Variants in ADAM19 observed in about 807,000 individuals in gnomAD.
ADAM19 encodes disintegrin and metalloproteinase domain-containing protein 19.
In ADAM19, 65 loss-of-function variants were observed where a neutral mutation model predicts 114.7. The ratio of observed to expected loss-of-function variants is 0.57; its 90% CI spans 0.46 to 0.70. The LOEUF (loss-of-function observed/expected upper bound fraction) is 0.70. Ranked by LOEUF, ADAM19 falls within the 30% of genes least tolerant of loss-of-function variation. The probability of loss-of-function intolerance (pLI) is 0.00; values close to 1 mark genes in which losing one functional copy is unlikely to be tolerated. For synonymous variants in ADAM19, 466 were observed against 460.5 expected (o/e 1.01, Z -0.15); for missense variants, 1,063 against 1,204.7 (o/e 0.88, Z 1.74).
intron 5 of ADAM19, among the ~76,000 whole-genome samples, chr5:157,521,693 C>G (rs1242455306): frequency 6.6e-6 from 1 of 152,200 alleles, no homozygotes; most frequent in Non-Finnish European, 1.5e-5. Flanking sequence ...CTAAGGTACT[C>G]CCTGAACATC....
At chr5:157,569,169 GATGAA>G (rs755444028) in intron 2 of ADAM19, 3 of 150,906 alleles carry the variant, frequency 2.0e-5, no homozygotes, top group Non-Finnish European at 4.4e-5. Context: ...CCTACTTTTT[GATGAA>G]ATGAATTCCA....
intron 21 of ADAM19, 91 bp downstream of exon 21, chr5:157,488,174 C>T: frequency 7.4e-7 from 1 of 1,346,444 alleles, no homozygotes; most frequent in Non-Finnish European, 1.0e-6. Flanking sequence ...CATGACCCCA[C>T]AAGTTTCACC....
chr5:157,497,560 G>T (rs868713729), intron 13 of ADAM19, among the ~76,000 whole-genome samples: 1 of 113,604 alleles, frequency 8.8e-6, no homozygotes, highest in African/African-American at 4.0e-5. Context: ...AGAGGAGCCA[G>T]GCCCACTAAT....
At chr5:157,515,482 C>T (rs1756064865) in intron 7 of ADAM19, among the ~76,000 whole-genome samples, 1 of 152,234 alleles carries the variant, frequency 6.6e-6, no homozygotes, top group South Asian at 2.1e-4. Context: ...CCCATAGTCT[C>T]TGCTACAACT....
At position 157,481,846 on chromosome 5, in the gene ADAM19, C is replaced by G; in HGVS notation, c.2648G>C (p.Arg883Pro). ...CTGCTGAGGGCCAGCACCAGGGGGC[C>G]GCAGTGGGGATGCACCTCCTGGCCT... ...LPRPGGASPL[R>P]PPGAGPQQSR... The change falls in exon 22 of 23, where the codon CGG (arginine) becomes CCG (proline). Residue 883 changes from arginine (R) to proline (P), a missense_variant. This residue lies in a region of ADAM19 where 424 missense variants were observed against 445.5 expected (regional missense o/e 0.95). Transcript: ENST00000257527. 6.3e-7 allele frequency: 1 copy of G among 1,586,302 alleles called. No homozygotes were observed. Among genetic ancestry groups the G allele is most frequent in the South Asian group, 1.1e-5 (1 of 86,996 alleles).
At chr5:157,512,915 C>A in intron 8 of ADAM19, among the ~76,000 whole-genome samples, 1 of 152,186 alleles carries the variant, frequency 6.6e-6, no homozygotes, top group East Asian at 1.9e-4. Flanking sequence ...CCTCCTAAGT[C>A]AGAGAATCCC....
chr5:157,565,496 A>G (rs1011484392), intron 2 of ADAM19, among the ~76,000 whole-genome samples: 3 of 151,954 alleles, frequency 2.0e-5, no homozygotes, highest in African/African-American at 7.3e-5. Flanking sequence ...AGGCAGGCAG[A>G]TCAGGAGTTT....
At chr5:157,526,561 G>A (rs1756468459) in intron 5 of ADAM19, among the ~76,000 whole-genome samples, 2 of 152,068 alleles carry the variant, frequency 1.3e-5, no homozygotes, top group African/African-American at 4.8e-5. Context: ...TCTGAGACAG[G>A]CTTGGGAGAA....
chr5:157,480,634 C>T lies in ADAM19; in HGVS notation c.*315G>A. 2 of 1,172,692 alleles carry T rather than the reference C, an allele frequency of 1.7e-6. No homozygotes were observed. The highest frequency in any genetic ancestry group is 2.1e-6 in the Non-Finnish European group (2 of 944,622). 72.6% of individuals were successfully genotyped at this position (1,172,692 alleles called of 1,614,324 possible). Reference sequence around the variant, plus strand: ...TGAGGGGCTTGCTGGCCTTGAGCATCTCCATCAGCACCTCGGGGCTAGGAG... The same window carrying T: ...TGAGGGGCTTGCTGGCCTTGAGCATTTCCATCAGCACCTCGGGGCTAGGAG... On this transcript the variant is annotated 3_prime_UTR_variant, in exon 23 of 23. Transcript: ENST00000257527.
intron 4 of ADAM19, among the ~76,000 whole-genome samples, chr5:157,534,293 C>T (rs146807099): frequency 6.6e-6 from 1 of 152,118 alleles, no homozygotes; most frequent in East Asian, 1.9e-4. Flanking sequence ...CATGGTGAAA[C>T]TCCATTTCTA....
At chr5:157,555,634 G>A (rs184163075) in intron 3 of ADAM19, among the ~76,000 whole-genome samples, 7 of 152,302 alleles carry the variant, frequency 4.6e-5, no homozygotes, top group Non-Finnish European at 8.8e-5. Context: ...TGTACTAAGT[G>A]CATTGTCATA....
At chr5:157,534,980 AC>A (rs1448930501) in intron 4 of ADAM19, among the ~76,000 whole-genome samples, 1 of 152,160 alleles carries the variant, frequency 6.6e-6, no homozygotes, top group Non-Finnish European at 1.5e-5. Context: ...CTTGCCACTT[AC>A]TGGTTAACTG....
chr5:157,552,762 TA>T (rs923128700), intron 3 of ADAM19, among the ~76,000 whole-genome samples: 24 of 147,186 alleles, frequency 1.6e-4, no homozygotes, highest in Non-Finnish European at 2.8e-4. Context: ...GAGTTTACAA[TA>T]GCCAAGATTT....
At chr5:157,481,057 G>A in intron 22 of ADAM19, 55 bp from the exon 23 acceptor site, 1 of 1,610,746 alleles carries the variant, frequency 6.2e-7, no homozygotes, top group African/African-American at 1.3e-5. Context: ...TGATCAATGG[G>A]ATCAAGGGGG....
At chr5:157,506,961 A>G in intron 10 of ADAM19, 95 bp downstream of exon 10, 1 of 1,120,676 alleles carries the variant, frequency 8.9e-7, no homozygotes, top group Non-Finnish European at 1.3e-6. Flanking sequence ...TTCTGCTACA[A>G]TAATAAATAT....
chr5:157,509,461 G>A lies in ADAM19; in HGVS notation c.745C>T (p.Arg249Ter), dbSNP rs773962650. 9.5e-6 allele frequency: 15 copies of A among 1,587,166 alleles called. No homozygotes were observed. The highest frequency in any genetic ancestry group is 1.2e-5 in the Non-Finnish European group (14 of 1,164,350). ...EIANYVDKFY[R>*]SLNIRIALVG... ...AGAGCAATCCGGATGTTCAAGGATCGGTAAAACTGAAAGGACACAGAAAAA... is the reference window on the plus strand; with the variant it reads ...AGAGCAATCCGGATGTTCAAGGATCAGTAAAACTGAAAGGACACAGAAAAA... The change falls in exon 9 of 23, where the codon CGA becomes TGA. Residue 249 changes from arginine (R) to a stop codon, truncating the protein, a stop_gained. Coordinates refer to ENST00000257527, the MANE Select transcript of ADAM19 (RefSeq NM_033274.5). LOFTEE classifies it high-confidence loss of function.
chr5:157,508,592 T>C (rs756490010), intron 9 of ADAM19, among the ~76,000 whole-genome samples: 5 of 150,880 alleles, frequency 3.3e-5, no homozygotes, highest in Non-Finnish European at 7.4e-5. Context: ...AGACGGAAAC[T>C]GTCTCAAAAA....
chr5:157,515,210 C>A (rs1006331234), intron 7 of ADAM19, among the ~76,000 whole-genome samples: 24 of 152,150 alleles, frequency 1.6e-4, no homozygotes, highest in African/African-American at 5.8e-4. Flanking sequence ...GGTGTTAATC[C>A]AGGAGTTTCT....
rs574348696 is a variant in ADAM19 at position 157,535,614 on chromosome 5, G to A, written c.330+2299C>T. On this transcript the variant is annotated intron_variant, in intron 4 of 22. Transcript: ENST00000257527. ...TCAACAAGACCTTCTGGAAGGAGGG[G>A]ATTCTGGGAGAGGGGGAGTTCTTTT... 9.2e-5 allele frequency among the ~76,000 whole-genome samples: 14 copies of A among 152,362 alleles called. No homozygotes were observed. In the East Asian group the frequency reaches 2.5e-3, roughly 27 times the overall value.
Sources: allele counts gnomAD v4.1 joint callset (sites outside exome capture counted in the v4.1 genomes callset), GRCh38; gene constraint gnomAD v4.1.1; regional missense constraint gnomAD v4.1.1; transcripts MANE v1.5; gene names NCBI Gene and HGNC (gene_info 2026-07-23, HGNC 2026-07-21).